KIRREL1: variants seen among roughly 807,000 people sequenced by gnomAD.
The protein encoded by KIRREL1 is kirre like nephrin family adhesion molecule 1.
A neutral mutation model predicts 83.3 loss-of-function variants in KIRREL1; 25 were observed. That is an observed-to-expected ratio of 0.30 (90% confidence interval 0.22 to 0.42). KIRREL1 has a LOEUF of 0.42. Ranked by LOEUF, KIRREL1 falls within the 10% of genes least tolerant of loss-of-function variation. KIRREL1 has a pLI of 1.00. For missense variants in KIRREL1, 812 were observed against 1,032.3 expected, an observed-to-expected ratio of 0.79 and a Z score of 2.92; for synonymous variants, 388 against 410.4, an observed-to-expected ratio of 0.95 and a Z score of 0.66.
intron 5 of KIRREL1, among the ~76,000 whole-genome samples, 191 bp downstream of exon 5, chr1:158,086,937 G>A (rs1167269902): frequency 2.0e-5 from 3 of 152,156 alleles, no homozygotes; most frequent in Admixed American, 6.5e-5. Flanking sequence ...AGCATTGGCT[G>A]TGGAGTCAGG....
intron 2 of KIRREL1, among the ~76,000 whole-genome samples, chr1:158,077,489 T>C (rs958098087): frequency 6.6e-6 from 1 of 152,162 alleles, no homozygotes; most frequent in African/African-American, 2.4e-5. Context: ...ACCAGGACTC[T>C]TTGGTTTAGG....
chr1:158,094,323 A>C lies in KIRREL1; in HGVS notation c.1730A>C (p.Asp577Ala). ...VMKAIYSSFK[D>A]DVDLKQDLRC... The stretch of plus-strand genomic sequence containing the variant: ...CCTGCTGCTCCACAGTCGTTTAAGG[A>C]TGATGTGGATCTGAAGCAGGACCTG... The change falls in exon 14 of 15, where the codon GAT (aspartate) becomes GCT (alanine). Residue 577 changes from aspartate to alanine, a missense_variant. By Grantham distance (126) the Asp-to-Ala change is moderately radical. Coordinates refer to ENST00000359209, the MANE Select transcript of KIRREL1 (RefSeq NM_018240.7). This position sits in a 1 kb window ranked among gnomAD's most constrained non-coding sequence, Gnocchi z 4.6. 1.3e-6 allele frequency: 2 copies of C among 1,566,848 alleles called. No individual in the cohort carries two copies.
chr1:158,029,337 C>CTGTGTGTGTGTGTGTGTGTG lies in KIRREL1; in HGVS notation c.52+35620_52+35639dup, dbSNP rs60980289. Among the ~76,000 whole-genome samples the CTGTGTGTGTGTGTGTGTGTG allele has an allele frequency of 8.8e-3, 609 of 69,280 alleles. 4 individuals are homozygous for CTGTGTGTGTGTGTGTGTGTG. Among genetic ancestry groups the CTGTGTGTGTGTGTGTGTGTG allele is most frequent in the Non-Finnish European group, 0.013 (371 of 29,458 alleles). 45.5% of individuals were successfully genotyped at this position (69,280 alleles called of 152,430 possible). A position where few individuals can be genotyped will look rare whatever the true frequency, so the allele number is the denominator to read the frequency against. ...CTCTCCCTATTGCTGTAACAAAAAC[C>CTGTGTGTGTGTGTGTGTGTG]TGTGTGTGTGTGTGTGTGTGTGTGT... is the stretch of plus-strand genomic sequence containing the variant. On this transcript the variant is annotated intron_variant, in intron 1 of 14. Coordinates refer to ENST00000359209, the MANE Select transcript of KIRREL1 (RefSeq NM_018240.7).
intron 3 of KIRREL1, among the ~76,000 whole-genome samples, chr1:158,080,682 C>T (rs1661823592): frequency 6.6e-6 from 1 of 152,138 alleles, no homozygotes. Flanking sequence ...CGGGGCTCTA[C>T]CCATCCAGGA....
Position 158,084,424 on chromosome 1 carries a change from C to T in KIRREL1, c.355C>T (p.Pro119Ser), listed in dbSNP as rs1177121547. ...CTTTGCTCTGCTTTCTCCCACAGTC[C>T]CCCCAGAGGACACCAGGATTGACGG... ...SRRAKLTVLI[P>S]PEDTRIDGGP... The change falls in exon 4 of 15, where the codon CCC becomes TCC. Residue 119 changes from proline (P) to serine (S), a missense_variant and splice_region_variant. Physicochemically the swap from Pro to Ser is moderately conservative, Grantham distance 74. Around this residue, in one of 3 missense-constraint regions of KIRREL1, gnomAD observed 472 missense variants for 626.8 expected, o/e 0.75. Transcript: ENST00000359209. 2 of 1,548,976 alleles carry T rather than the reference C, an allele frequency of 1.3e-6. No individual in the cohort carries two copies. Among genetic ancestry groups the T allele is most frequent in the African/African-American group, 1.4e-5 (1 of 72,960 alleles).
chr1:158,046,574 G>A (rs1660783574), intron 1 of KIRREL1, among the ~76,000 whole-genome samples: 1 of 152,028 alleles, frequency 6.6e-6, no homozygotes, highest in South Asian at 2.1e-4. Context: ...AAGAGGGAGG[G>A]GAGGGCCAGT....
intron 1 of KIRREL1, among the ~76,000 whole-genome samples, chr1:157,994,231 G>C (rs2101609821): frequency 6.6e-6 from 1 of 152,298 alleles, no homozygotes; most frequent in African/African-American, 2.4e-5. Context: ...TCGGGGGTCT[G>C]AGTCTGAATC....
rs368259723 is a variant in KIRREL1, at chr1:158,091,006, G to A, written c.1273-352G>A. Among the ~76,000 whole-genome samples, 75 of 152,268 alleles carry A rather than the reference G, an allele frequency of 4.9e-4. 1 individual carries two copies. The highest frequency in any genetic ancestry group is 1.7e-3 in the African/African-American group (72 of 41,552). On this transcript the variant is annotated intron_variant, in intron 10 of 14. Transcript: ENST00000359209. ...TTCCCAGTGTCGGTTCAATGGATCCGCTGCATCCACATCACATGGGATCAT... is the reference window on the plus strand; with the variant it reads ...TTCCCAGTGTCGGTTCAATGGATCCACTGCATCCACATCACATGGGATCAT...
At chr1:158,068,493 G>T (rs968898152) in intron 1 of KIRREL1, among the ~76,000 whole-genome samples, 1 of 152,202 alleles carries the variant, frequency 6.6e-6, no homozygotes, top group Admixed American at 6.5e-5. Context: ...CCCCTCATCC[G>T]CAGTAGCTGG....
At chr1:158,039,883 C>T (rs1482416322) in intron 1 of KIRREL1, among the ~76,000 whole-genome samples, 4 of 152,180 alleles carry the variant, frequency 2.6e-5, no homozygotes, top group Non-Finnish European at 5.9e-5. Flanking sequence ...GCTCTTGCCA[C>T]CTCTGGGCGT....
chr1:158,057,387 C>A (rs1661094952), intron 1 of KIRREL1, among the ~76,000 whole-genome samples: 1 of 152,198 alleles, frequency 6.6e-6, no homozygotes. Flanking sequence ...GACCTGGAAT[C>A]TTTCTCAGTC....
At chr1:158,057,972 A>G (rs2101601233) in intron 1 of KIRREL1, among the ~76,000 whole-genome samples, 2 of 152,316 alleles carry the variant, frequency 1.3e-5, no homozygotes, top group South Asian at 2.1e-4. Context: ...TTAGGTAAAG[A>G]GAAGAAGCCC....
intron 1 of KIRREL1, among the ~76,000 whole-genome samples, chr1:158,071,065 G>A (rs1661497657): frequency 6.6e-6 from 1 of 152,070 alleles, no homozygotes; most frequent in Admixed American, 6.5e-5. Flanking sequence ...TCTTTCTCCT[G>A]GTCTCCATCT....
At chr1:158,029,318 C>T (rs1162039517) in intron 1 of KIRREL1, among the ~76,000 whole-genome samples, 10 of 129,192 alleles carry the variant, frequency 7.7e-5, no homozygotes, top group African/African-American at 2.8e-4. Context: ...TTCTCTCTCC[C>T]TATTGCTGTA....
In KIRREL1 at chr1:158,094,524, G is replaced by A; in HGVS notation, c.1798-120G>A. ...GAGGGTTTTTGAAGGAGCAGAGGAG[G>A]TGGAATGCTAGATGGGGACATAGGG... On this transcript the variant is annotated intron_variant, in intron 14 of 14. Coordinates refer to ENST00000359209, the MANE Select transcript of KIRREL1 (RefSeq NM_018240.7). This position sits in a 1 kb window ranked among gnomAD's most constrained non-coding sequence, Gnocchi z 4.6. 1 of 1,256,694 alleles carries A rather than the reference G, an allele frequency of 8.0e-7. No homozygotes were observed. Among genetic ancestry groups the A allele is most frequent in the Non-Finnish European group, 1.2e-6 (1 of 860,810 alleles). The allele number at this position is 1,256,694 out of a possible 1,614,324, so 77.8% of individuals were successfully genotyped here. A position where few individuals can be genotyped will look rare whatever the true frequency, so the allele number is the denominator to read the frequency against.
At chr1:158,041,264 C>T (rs542839897) in intron 1 of KIRREL1, among the ~76,000 whole-genome samples, 156 of 152,214 alleles carry the variant, frequency 1.0e-3, no homozygotes, top group African/African-American at 3.5e-3. Flanking sequence ...CTCATTTATC[C>T]GCATAGGTGT....
At chr1:158,085,934 A>C (rs1249268874) in intron 4 of KIRREL1, among the ~76,000 whole-genome samples, 1 of 152,224 alleles carries the variant, frequency 6.6e-6, no homozygotes, top group African/African-American at 2.4e-5. Context: ...GGATGTGTCT[A>C]GAGCTGTGAG....
At chr1:158,082,258 G>A (rs1220811109) in intron 3 of KIRREL1, among the ~76,000 whole-genome samples, 2 of 152,080 alleles carry the variant, frequency 1.3e-5, no homozygotes, top group African/African-American at 2.4e-5. Flanking sequence ...TCTATGTATA[G>A]TATCTCATCT....
chr1:158,000,601 A>G (rs1324428959), intron 1 of KIRREL1, among the ~76,000 whole-genome samples: 1 of 152,220 alleles, frequency 6.6e-6, no homozygotes, highest in Non-Finnish European at 1.5e-5. Flanking sequence ...GCTCGCAGAC[A>G]TCACTGAAGT....
Sources: gnomAD v4.1 joint callset for allele counts (sites outside exome capture counted in the v4.1 genomes callset) on GRCh38, gnomAD v4.1.1 for gene constraint, gnomAD v4.1.1 regional missense constraint, Gnocchi (gnomAD v3.1) non-coding constraint, MANE v1.5 for transcripts, NCBI Gene and HGNC (gene_info 2026-07-23, HGNC 2026-07-21) for gene names.